ANKRD36B: variants seen among roughly 807,000 people sequenced by gnomAD.
ANKRD36B encodes the protein ankyrin repeat domain 36B.
ANKRD36B carries 37 observed loss-of-function variants against 135.7 expected under a neutral mutation model. That is an observed-to-expected ratio of 0.27 (90% CI 0.21 to 0.36). The LOEUF (loss-of-function observed/expected upper bound fraction) is 0.36, where lower values mean the gene tolerates loss of function less well. ANKRD36B is among the 10% of genes least tolerant of loss of function. The pLI is 1.00. For missense variants in ANKRD36B, 549 were observed against 1,037.1 expected (o/e 0.53, Z 6.46); for synonymous variants, 179 against 348.1 (o/e 0.51, Z 5.41).
At chr2:97,548,018 A>T (rs2079652881) in intron 20 of ANKRD36B, among the ~76,000 whole-genome samples, 1 of 151,858 alleles carries the variant, frequency 6.6e-6, no homozygotes, top group Non-Finnish European at 1.5e-5. Context: ...CTGAGTGATG[A>T]GGACAAAGTG....
At chr2:97,495,876 A>C (rs2077296528) in intron 43 of ANKRD36B, among the ~76,000 whole-genome samples, 1 of 106,660 alleles carries the variant, frequency 9.4e-6, no homozygotes, top group Non-Finnish European at 2.7e-5. Flanking sequence ...CCGACATAAG[A>C]CTGGTAGTGT....
chr2:97,574,678 C>T (rs1384567377), intron 6 of ANKRD36B, among the ~76,000 whole-genome samples: 2 of 152,128 alleles, frequency 1.3e-5, no homozygotes, highest in South Asian at 4.1e-4. Flanking sequence ...GATGTATGTG[C>T]TTTGGACAAG....
chr2:97,570,983 T>C (rs1392570058), intron 6 of ANKRD36B, among the ~76,000 whole-genome samples: 1 of 152,210 alleles, frequency 6.6e-6, no homozygotes, highest in Non-Finnish European at 1.5e-5. Context: ...ATTCCTGTAT[T>C]TCTGCATGAA....
chr2:97,561,382 A>C (rs544094943), intron 6 of ANKRD36B, among the ~76,000 whole-genome samples: 14 of 152,046 alleles, frequency 9.2e-5, no homozygotes, highest in African/African-American at 3.4e-4. Context: ...GTCCTAACTT[A>C]ATCAGCTTGG....
Position 97,547,688 on chromosome 2 carries a change from T to C in ANKRD36B, c.1506+15A>G, listed in dbSNP as rs998670000. The C allele has an allele frequency of 3.2e-6, 5 of 1,558,552 alleles. No homozygotes were observed. Among genetic ancestry groups the C allele is most frequent in the Non-Finnish European group, 4.4e-6 (5 of 1,148,926 alleles). On this transcript the variant is annotated intron_variant, in intron 21 of 43. Transcript: ENST00000359901. ...TACATTTACTAGTTCACAATATAAATGACAGTTTCATTACCTTCAAGCCTG... is the reference window on the plus strand; with the variant it reads ...TACATTTACTAGTTCACAATATAAACGACAGTTTCATTACCTTCAAGCCTG...
chr2:97,547,374 C>T (rs1392371288), intron 22 of ANKRD36B, 162 bp downstream of exon 22: 2 of 854,910 alleles, frequency 2.3e-6, no homozygotes, highest in African/African-American at 1.7e-5. Context: ...TGTTCCAGAC[C>T]AGCAGCAACA....
intron 35 of ANKRD36B, among the ~76,000 whole-genome samples, chr2:97,529,654 C>G (rs1265922745): frequency 1.0e-5 from 1 of 95,334 alleles, no homozygotes; most frequent in African/African-American, 3.2e-5. Context: ...TCTAGAAAAC[C>G]CCATTGTCTC....
At chr2:97,563,693 C>T (rs2081220550) in intron 6 of ANKRD36B, among the ~76,000 whole-genome samples, 2 of 152,100 alleles carry the variant, frequency 1.3e-5, no homozygotes, top group Admixed American at 1.3e-4. Context: ...TGGATTTTCT[C>T]AGGGTCATGA....
At position 97,578,914 on chromosome 2, in the gene ANKRD36B, C is replaced by T. The variant is rs1338502258; in HGVS notation, c.687G>A (p.Glu229=). The T allele has an allele frequency of 1.2e-6, 2 of 1,612,622 alleles. No individual in the cohort carries two copies. Among genetic ancestry groups the T allele is most frequent in the South Asian group, 1.1e-5 (1 of 90,988 alleles). ...TTTACGTAAAGACTTACACTCTATTCTCAGCCTCACTGGCATAATCTTCTG... is the reference window on the plus strand; with the variant it reads ...TTTACGTAAAGACTTACACTCTATTTTCAGCCTCACTGGCATAATCTTCTG... ...KLAEDYASEA[E]NRVIFDLIYE... The change falls in exon 5 of 44, where the codon GAG becomes GAA. Residue 229 remains glutamate, a synonymous_variant. Coordinates refer to ENST00000359901, the MANE Select transcript of ANKRD36B (RefSeq NM_001393939.1).
chr2:97,516,178 T>A, intron 36 of ANKRD36B, among the ~76,000 whole-genome samples: 1 of 36,488 alleles, frequency 2.7e-5, no homozygotes, highest in African/African-American at 8.3e-5. Flanking sequence ...AGTTATAAAC[T>A]CAGATAGGTC....
chr2:97,574,069 A>T (rs1559227171), intron 6 of ANKRD36B, among the ~76,000 whole-genome samples: 1 of 152,254 alleles, frequency 6.6e-6, no homozygotes, highest in Non-Finnish European at 1.5e-5. Flanking sequence ...GCTTCTGCAC[A>T]GCAAAAGAAA....
intron 6 of ANKRD36B, among the ~76,000 whole-genome samples, chr2:97,572,186 G>A (rs943387587): frequency 2.0e-4 from 30 of 151,912 alleles, no homozygotes; most frequent in African/African-American, 6.5e-4. Flanking sequence ...GGAGGCCGAG[G>A]TAGGAGGACC....
chr2:97,574,717 T>C (rs2082114223), intron 6 of ANKRD36B, among the ~76,000 whole-genome samples: 3 of 152,310 alleles, frequency 2.0e-5, no homozygotes, highest in Admixed American at 2.0e-4. Flanking sequence ...GCCAGACTTT[T>C]GTTTCAGAAT....
rs371574594 is a variant in ANKRD36B, at chr2:97,585,133, C to T, written c.277-16G>A. On this transcript the variant is annotated splice_polypyrimidine_tract_variant and intron_variant, in intron 2 of 43. Coordinates refer to ENST00000359901, the MANE Select transcript of ANKRD36B (RefSeq NM_001393939.1). ...GTTGTACAGCCTGTCAGTATTAGAC[C>T]GAGAAACATGCAAATACTGAAAAAA... is the stretch of plus-strand genomic sequence containing the variant. 4.3e-6 allele frequency: 7 copies of T among 1,613,422 alleles called. No homozygotes were observed. The African/African-American group carries it at 5.3e-5, about 12-fold the overall frequency.
At chr2:97,494,472 G>A (rs1171120183) in intron 43 of ANKRD36B, among the ~76,000 whole-genome samples, 5 of 106,900 alleles carry the variant, frequency 4.7e-5, no homozygotes, top group African/African-American at 1.0e-4. Context: ...ACCACCTTTC[G>A]TGTAATGCAG....
Position 97,580,547 on chromosome 2 carries a change from G to A in ANKRD36B, c.472C>T (p.Leu158Phe), listed in dbSNP as rs2922614. The change falls in exon 4 of 44, where the codon CTT becomes TTT. Residue 158 changes from leucine to phenylalanine, a missense_variant. By Grantham distance (22) the Leu-to-Phe change is conservative (BLOSUM62 0). Coordinates refer to ENST00000359901, the MANE Select transcript of ANKRD36B (RefSeq NM_001393939.1). ...CSKNEYQPLL[L>F]AVSRRKVKMV... Reference sequence around the variant, plus strand: ...TTCACTTTTCTTCGACTCACAGCAAGTAACAGTGGCTGATATTCATTCTGT... The same window carrying A: ...TTCACTTTTCTTCGACTCACAGCAAATAACAGTGGCTGATATTCATTCTGT... 2,679 of 1,543,938 alleles carry A rather than the reference G, an allele frequency of 1.7e-3. 50 individuals carry two copies. The African/African-American group carries it at 0.032, about 18-fold the overall frequency.
rs750842688 is a variant in ANKRD36B, at chr2:97,557,096, G to A, written c.996+8C>T. ...AATAATTCAAAATATAAATGAAAGA[G>A]TAACTACCTTCTGGGCCGATTGTTT... On this transcript the variant is annotated splice_region_variant and intron_variant, in intron 11 of 43. Coordinates refer to ENST00000359901, the MANE Select transcript of ANKRD36B (RefSeq NM_001393939.1). 332 of 1,544,942 alleles carry A rather than the reference G, an allele frequency of 2.1e-4. No individual in the cohort carries two copies. Among genetic ancestry groups the A allele is most frequent in the Non-Finnish European group, 2.7e-4 (313 of 1,144,062 alleles).
At chr2:97,588,363 CA>C (rs1199509556) in intron 1 of ANKRD36B, among the ~76,000 whole-genome samples, 1 of 151,726 alleles carries the variant, frequency 6.6e-6, no homozygotes, top group Non-Finnish European at 1.5e-5. Context: ...GTAATTGCGG[CA>C]AAAACCGCAA....
chr2:97,580,708 G>T lies in ANKRD36B; in HGVS notation c.451-140C>A. On this transcript the variant is annotated intron_variant, in intron 3 of 43. Transcript: ENST00000359901. ...GGTAGTCCCTTTCTTTTCCCTCCTCGGTGCTTTTCTATGTTCTGCTCCTTC... is the reference window on the plus strand; with the variant it reads ...GGTAGTCCCTTTCTTTTCCCTCCTCTGTGCTTTTCTATGTTCTGCTCCTTC... 4.5e-6 allele frequency: 3 copies of T among 659,974 alleles called. No individual in the cohort carries two copies. The South Asian group carries it at 6.6e-5, about 15-fold the overall frequency. 40.9% of individuals were successfully genotyped at this position (659,974 alleles called of 1,614,324 possible).
Sources: gnomAD v4.1 joint callset for allele counts (sites outside exome capture counted in the v4.1 genomes callset) on GRCh38, gnomAD v4.1.1 for gene constraint, MANE v1.5 for transcripts, NCBI Gene and HGNC (gene_info 2026-07-23, HGNC 2026-07-21) for gene names.